HIVEP1: variants seen among roughly 807,000 people sequenced by gnomAD.
The protein encoded by HIVEP1 is HIVEP zinc finger 1.
A neutral mutation model predicts 180.0 loss-of-function variants in HIVEP1; 36 were observed. The observed-to-expected ratio is 0.20, with a 90% CI of 0.15 to 0.26. The LOEUF (loss-of-function observed/expected upper bound fraction) is 0.26, where lower values mean the gene tolerates loss of function less well. Among genes scored for constraint, HIVEP1 ranks in the 10% least tolerant of loss-of-function variants. HIVEP1 has a pLI of 1.00. For missense variants in HIVEP1, 3,143 were observed against 3,268.7 expected (o/e 0.96, Z 0.94); for synonymous variants, 1,239 against 1,239.0 (o/e 1.00, Z 0.00).
rs373304474 is a variant in HIVEP1, at chr6:12,163,286, C to G, written c.6982C>G (p.Pro2328Ala). The change falls in exon 9 of 9, where the codon CCA (proline) becomes GCA (alanine). Residue 2328 changes from proline to alanine, a missense_variant. Pro to Ala is a conservative substitution (Grantham distance 27, BLOSUM62 -1). Around this residue, in one of 12 missense-constraint regions of HIVEP1, gnomAD observed 595 missense variants for 602.2 expected, o/e 0.99. Transcript: ENST00000379388. ...ATTGCTCTCTCTTGTCATTTAGAGC[C>G]CATCATCTGTAAGACTTCCTCCTGC... ...AGKAVAITQSPSSVRLPPAAA... is the reference protein window; with the variant it reads ...AGKAVAITQSASSVRLPPAAA... 46 of 1,611,938 alleles carry G rather than the reference C, an allele frequency of 2.9e-5. No homozygotes were observed. The highest frequency in any genetic ancestry group is 3.9e-5 in the Non-Finnish European group (46 of 1,178,650).
the HIVEP1 span, among the ~76,000 whole-genome samples, chr6:12,204,085 A>G: frequency 2.6e-5 from 4 of 152,036 alleles, no homozygotes; most frequent in Non-Finnish European, 4.4e-5. Context: ...TGAAAAAAAA[A>G]AAGAAAAAGT....
the HIVEP1 span, among the ~76,000 whole-genome samples, chr6:12,194,251 G>A: frequency 6.6e-6 from 1 of 151,904 alleles, no homozygotes; most frequent in Admixed American, 6.6e-5. Context: ...TTTATAATTG[G>A]ATATGTGGCT....
chr6:12,183,392 C>T, the HIVEP1 span, among the ~76,000 whole-genome samples: 53 of 152,326 alleles, frequency 3.5e-4, 1 homozygote, highest in East Asian at 5.2e-3. Context: ...GGAGCAGACT[C>T]GCTTTAGCAT....
rs761559145 is a variant in HIVEP1 at position 12,161,586 on chromosome 6, G to T, written c.6635G>T (p.Ser2212Ile). ...TCAGCCACACCCTCAGTCACAGCTA[G>T]CCCGCAGCACCTTCCATCTAGAAGT... is the stretch of plus-strand genomic sequence containing the variant. ...VLSATPSVTA[S>I]PQHLPSRSSL... The change falls in exon 8 of 9, where the codon AGC (serine) becomes ATC (isoleucine). Residue 2212 changes from serine to isoleucine, a missense_variant. Physicochemically the swap from Ser to Ile is moderately radical, Grantham distance 142. Transcript: ENST00000379388. 6.2e-7 allele frequency: 1 copy of T among 1,614,120 alleles called. No individual in the cohort carries two copies. The highest frequency in any genetic ancestry group is 1.1e-5 in the South Asian group (1 of 91,080).
At chr6:12,131,449 G>T (rs1758412030) in intron 6 of HIVEP1, among the ~76,000 whole-genome samples, 2 of 150,868 alleles carry the variant, frequency 1.3e-5, no homozygotes, top group African/African-American at 2.4e-5. Flanking sequence ...CATAAATACT[G>T]TTAAATTTTA....
rs1033640378 is a variant in HIVEP1 at position 12,164,431 on chromosome 6, T to C, written c.8127T>C (p.Asp2709=). The change falls in exon 9 of 9, where the codon GAT becomes GAC. Residue 2709 remains aspartate (D), a synonymous_variant. Coordinates refer to ENST00000379388, the MANE Select transcript of HIVEP1 (RefSeq NM_002114.4). The part of the protein sequence containing the change: ...TVHFSDVSSD[D]DEDRLVIAT ...ACTTCAGCGACGTGAGCAGCGATGA[T>C]GACGAGGACAGGCTTGTGATAGCAA... 3.1e-6 allele frequency: 5 copies of C among 1,611,640 alleles called. No homozygotes were observed. The African/African-American group carries it at 5.3e-5, about 17-fold the overall frequency.
At chr6:12,181,417 T>C in the HIVEP1 span, among the ~76,000 whole-genome samples, 1 of 123,410 alleles carries the variant, frequency 8.1e-6, no homozygotes, top group Non-Finnish European at 1.8e-5. Flanking sequence ...AGAAACAGGG[T>C]CTCACTCTAT....
In HIVEP1 at chr6:12,164,584, A is replaced by C; in HGVS notation, c.*123A>C. The C allele has an allele frequency of 1.3e-6, 1 of 761,838 alleles. No homozygotes were observed. Among genetic ancestry groups the C allele is most frequent in the South Asian group, 2.0e-5 (1 of 50,534 alleles). The allele number at this position is 761,838 out of a possible 1,614,324, so 47.2% of individuals were successfully genotyped here. A position where few individuals can be genotyped will look rare whatever the true frequency, so the allele number is the denominator to read the frequency against. ...ATGACTAATCTTTGTGCAATCATGA[A>C]CTTTTGACCAATAATTGTTGTTTTG... On this transcript the variant is annotated 3_prime_UTR_variant, in exon 9 of 9. Transcript: ENST00000379388.
chr6:12,119,488 GTTTC>G (rs1195247580), intron 3 of HIVEP1, among the ~76,000 whole-genome samples: 3 of 152,186 alleles, frequency 2.0e-5, no homozygotes, highest in Admixed American at 6.5e-5. Flanking sequence ...CTAACAAGCT[GTTTC>G]TTTATCTGCA....
At chr6:12,099,459 C>T (rs935521151) in intron 3 of HIVEP1, among the ~76,000 whole-genome samples, 7 of 152,138 alleles carry the variant, frequency 4.6e-5, no homozygotes, top group African/African-American at 1.2e-4. Flanking sequence ...AGCCACCGCG[C>T]CCGGCCTCAC....
chr6:12,099,182 A>AG (rs1255197189), intron 3 of HIVEP1, among the ~76,000 whole-genome samples: 2 of 99,046 alleles, frequency 2.0e-5, no homozygotes, highest in Non-Finnish European at 4.2e-5. Flanking sequence ...AATGTCACTG[A>AG]GTTTTTTTTT....
At chr6:12,081,727 A>G (rs1772801948) in intron 2 of HIVEP1, among the ~76,000 whole-genome samples, 1 of 152,104 alleles carries the variant, frequency 6.6e-6, no homozygotes, top group African/African-American at 2.4e-5. Context: ...CAAATAGTCA[A>G]AACTGTTTTC....
intron 2 of HIVEP1, among the ~76,000 whole-genome samples, chr6:12,051,028 A>ATATATG (rs1195272910): frequency 1.5e-5 from 2 of 136,144 alleles, no homozygotes; most frequent in African/African-American, 6.1e-5. Flanking sequence ...ATATATATAT[A>ATATATG]TATGTATATT....
chr6:12,124,575 C>G lies in HIVEP1; in HGVS notation c.4780C>G (p.His1594Asp). The G allele has an allele frequency of 6.2e-7, 1 of 1,613,982 alleles. No homozygotes were observed. ...TATTTCAGATCCAGTTGGAACAGAT[C>G]ATTGTGTGACATCAGCAACATTACC... Reference protein sequence around the residue: ...QVISDPVGTDHCVTSATLPTK... With the variant: ...QVISDPVGTDDCVTSATLPTK... The change falls in exon 4 of 9, where the codon CAT (histidine) becomes GAT (aspartate). Residue 1594 changes from histidine to aspartate, a missense_variant. Around this residue, in one of 12 missense-constraint regions of HIVEP1, gnomAD observed 1,357 missense variants for 1,260.5 expected, o/e 1.08. Transcript: ENST00000379388.
At chr6:12,210,876 T>C in the HIVEP1 span, among the ~76,000 whole-genome samples, 1 of 110,092 alleles carries the variant, frequency 9.1e-6, no homozygotes, top group African/African-American at 2.9e-5. Flanking sequence ...TTTCCTTCTG[T>C]GGTGTTAAAA....
chr6:12,112,702 T>C (rs1774978383), intron 3 of HIVEP1, among the ~76,000 whole-genome samples: 2 of 151,852 alleles, frequency 1.3e-5, no homozygotes, highest in Non-Finnish European at 2.9e-5. Context: ...CCCCTAGCAG[T>C]GGGCTGCTGC....
intron 6 of HIVEP1, among the ~76,000 whole-genome samples, chr6:12,134,241 T>C (rs1158867879): frequency 6.6e-6 from 1 of 152,220 alleles, no homozygotes; most frequent in East Asian, 1.9e-4. Flanking sequence ...TTTTTCAGTA[T>C]ATTTAATGTA....
chr6:12,049,916 A>G (rs1248695357), intron 2 of HIVEP1, among the ~76,000 whole-genome samples: 1 of 152,210 alleles, frequency 6.6e-6, no homozygotes, highest in East Asian at 1.9e-4. Context: ...ATTAAAATGA[A>G]GATGAAAAAT....
At chr6:12,061,108 C>A (rs1448144615) in intron 2 of HIVEP1, among the ~76,000 whole-genome samples, 2 of 152,088 alleles carry the variant, frequency 1.3e-5, no homozygotes, top group Non-Finnish European at 2.9e-5. Context: ...CCTGTCATGG[C>A]TGGTAACGTG....
Sources: gnomAD v4.1 joint callset for allele counts (sites outside exome capture counted in the v4.1 genomes callset) on GRCh38, gnomAD v4.1.1 for gene constraint, gnomAD v4.1.1 regional missense constraint, MANE v1.5 for transcripts, NCBI Gene and HGNC (gene_info 2026-07-23, HGNC 2026-07-21) for gene names.